The following UGT2B4 variants were observed in gnomAD, a reference collection of about 807,000 sequenced individuals.
UGT2B4 encodes the protein UDP glucuronosyltransferase family 2 member B4, also known as UDP-glucuronosyltransferase 2B4.
In UGT2B4, 49 loss-of-function variants were observed where a neutral mutation model predicts 49.8. The observed-to-expected ratio is 0.98, with a 90% CI of 0.78 to 1.25. UGT2B4 has a LOEUF of 1.25. Among genes scored for constraint, UGT2B4 ranks in the 50% most tolerant of loss-of-function variants. UGT2B4 has a pLI of 0.00. For synonymous variants in UGT2B4, 246 were observed against 217.7 expected (o/e 1.13, Z -1.14); for missense variants, 729 against 627.7 (o/e 1.16, Z -1.73).
chr4:69,519,763 C>A (rs971438910), intron 1 of UGT2B4, among the ~76,000 whole-genome samples: 6 of 152,202 alleles, frequency 3.9e-5, no homozygotes, highest in East Asian at 1.9e-4. Context: ...AGGTATGGAA[C>A]AAAGGACAGA....
chr4:69,510,992 T>TC (rs1728590644), intron 1 of UGT2B4, among the ~76,000 whole-genome samples: 1 of 54,252 alleles, frequency 1.8e-5, no homozygotes, highest in African/African-American at 5.0e-5. Context: ...CTTTTCTTCT[T>TC]TTTTTTTTTT....
upstream of UGT2B4, among the ~76,000 whole-genome samples, chr4:69,500,228 C>A (rs1728265095): frequency 6.6e-6 from 1 of 152,072 alleles, no homozygotes; most frequent in South Asian, 2.1e-4. Context: ...GGGAACAACA[C>A]ACACTGGGGC....
intron 1 of UGT2B4, among the ~76,000 whole-genome samples, chr4:69,508,216 G>A (rs1216810272): frequency 6.6e-6 from 1 of 152,072 alleles, no homozygotes; most frequent in Non-Finnish European, 1.5e-5. Context: ...AGATGTTGGA[G>A]AGATTGGGGA....
At chr4:69,502,043 C>T (rs1728331264) in intron 1 of UGT2B4, among the ~76,000 whole-genome samples, 1 of 151,122 alleles carries the variant, frequency 6.6e-6, no homozygotes, top group African/African-American at 2.4e-5. Flanking sequence ...CATCATCCTG[C>T]CTTGTCTCTC....
chr4:69,509,703 T>C (rs1055448781), intron 1 of UGT2B4, among the ~76,000 whole-genome samples: 1 of 152,126 alleles, frequency 6.6e-6, no homozygotes, highest in Non-Finnish European at 1.5e-5. Context: ...TTAGGGTTTC[T>C]TTTTTTGCTT....
At chr4:69,489,688 A>T in intron 2 of UGT2B4, 118 bp from the exon 3 acceptor site, 3 of 1,418,118 alleles carry the variant, frequency 2.1e-6, no homozygotes, top group Non-Finnish European at 2.8e-6. Context: ...GGAGTAAAGG[A>T]TGTTTTTTAA....
At chr4:69,506,154 C>T (rs1186021820) in intron 1 of UGT2B4, among the ~76,000 whole-genome samples, 1 of 151,888 alleles carries the variant, frequency 6.6e-6, no homozygotes, top group African/African-American at 2.4e-5. Flanking sequence ...CTGAAAATCA[C>T]AACTAAAAGA....
intron 1 of UGT2B4, among the ~76,000 whole-genome samples, chr4:69,513,908 T>C (rs1332123158): frequency 6.6e-6 from 1 of 152,184 alleles, no homozygotes; most frequent in Non-Finnish European, 1.5e-5. Context: ...TGCCAGTGAT[T>C]TTTGCATATT....
chr4:69,487,303 A>G (rs1340020084), intron 3 of UGT2B4, among the ~76,000 whole-genome samples: 1 of 152,180 alleles, frequency 6.6e-6, no homozygotes, highest in Non-Finnish European at 1.5e-5. Context: ...ATTTTACTCT[A>G]TATAAAACTA....
At chr4:69,515,184 T>C (rs1020248656) in intron 1 of UGT2B4, among the ~76,000 whole-genome samples, 3 of 152,220 alleles carry the variant, frequency 2.0e-5, no homozygotes, top group Admixed American at 2.0e-4. Context: ...GATAGATATC[T>C]GCAGAACTCT....
upstream of UGT2B4, among the ~76,000 whole-genome samples, chr4:69,497,745 A>G (rs1728204000): frequency 6.6e-6 from 1 of 152,252 alleles, no homozygotes; most frequent in Non-Finnish European, 1.5e-5. Flanking sequence ...ATAGATTTAG[A>G]ATATGACTTA....
chr4:69,492,716 A>G (rs1449008772), intron 2 of UGT2B4, among the ~76,000 whole-genome samples: 1 of 152,126 alleles, frequency 6.6e-6, no homozygotes, highest in Non-Finnish European at 1.5e-5. Context: ...ACTATATGCC[A>G]GAGACATTTT....
chr4:69,497,940 C>T (rs538696090), upstream of UGT2B4, among the ~76,000 whole-genome samples: 13 of 152,286 alleles, frequency 8.5e-5, no homozygotes, highest in Middle Eastern at 3.4e-3. Context: ...GCCACAGTCA[C>T]GCCAACTACT....
At chr4:69,512,603 T>C (rs1270151955) in intron 1 of UGT2B4, among the ~76,000 whole-genome samples, 2 of 152,338 alleles carry the variant, frequency 1.3e-5, no homozygotes, top group East Asian at 1.9e-4. Context: ...ATGGCCATTC[T>C]GCCTCTAGGT....
At chr4:69,487,098 T>A (rs1727811271) in intron 3 of UGT2B4, among the ~76,000 whole-genome samples, 1 of 152,182 alleles carries the variant, frequency 6.6e-6, no homozygotes, top group Non-Finnish European at 1.5e-5. Flanking sequence ...ATGCTTGTGA[T>A]GTTGTATAGA....
At chr4:69,514,473 A>C (rs1393229707) in intron 1 of UGT2B4, among the ~76,000 whole-genome samples, 1 of 152,094 alleles carries the variant, frequency 6.6e-6, no homozygotes, top group African/African-American at 2.4e-5. Context: ...CCTGATTGTC[A>C]TGGGCAGAAC....
intron 1 of UGT2B4, among the ~76,000 whole-genome samples, chr4:69,508,079 C>A (rs1728520328): frequency 6.6e-6 from 1 of 151,966 alleles, no homozygotes; most frequent in Admixed American, 6.6e-5. Context: ...CTGCATCCAG[C>A]AATATTTGAA....
chr4:69,517,791 G>C (rs1648849473), intron 1 of UGT2B4: 1 of 170,522 alleles, frequency 5.9e-6, no homozygotes, highest in African/African-American at 2.4e-5. Flanking sequence ...AGGTCTTTAT[G>C]TCCGTTAGTC....
In UGT2B4 at chr4:69,502,102, T is replaced by TTTCTTTCTTTCTTTCTTTCTTTCTTTC. The variant is rs1577895531; in HGVS notation, c.-105-6163_-105-6137dup. Among the ~76,000 whole-genome samples the TTTCTTTCTTTCTTTCTTTCTTTCTTTC allele has an allele frequency of 2.0e-4, 21 of 106,180 alleles. No individual in the cohort carries two copies. In the East Asian group the frequency reaches 2.4e-3, roughly 12 times the overall value. The allele number at this position is 106,180 out of a possible 152,430, so 69.7% of individuals were successfully genotyped here. A position where few individuals can be genotyped will look rare whatever the true frequency, so the allele number is the denominator to read the frequency against. On this transcript the variant is annotated intron_variant, in intron 1 of 1. Transcript: ENST00000510114. ...TTCTTTCTTTCTCTCTCTTTCTTTC[T>TTTCTTTCTTTCTTTCTTTCTTTCTTTC]TTCTTTCTTTCTTTCTTTCTTTCTT...
Sources: gnomAD v4.1 joint callset for allele counts (sites outside exome capture counted in the v4.1 genomes callset) on GRCh38, gnomAD v4.1.1 for gene constraint, MANE v1.5 for transcripts, NCBI Gene and HGNC (gene_info 2026-07-23, HGNC 2026-07-21) for gene names.